Variants in ADGRL3 observed in about 807,000 individuals in gnomAD.
ADGRL3 encodes calcium-independent alpha-latrotoxin receptor 3.
In ADGRL3, 62 loss-of-function variants were observed where a neutral mutation model predicts 153.5. That is an observed-to-expected ratio of 0.40 (90% CI 0.33 to 0.50). The LOEUF (loss-of-function observed/expected upper bound fraction) is 0.50, where lower values mean the gene tolerates loss of function less well. Ranked by LOEUF, ADGRL3 falls within the 20% of genes least tolerant of loss-of-function variation. ADGRL3 has a pLI of 0.47. For synonymous variants in ADGRL3, 710 were observed against 672.5 expected (o/e 1.06, Z -0.86); for missense variants, 1,641 against 1,859.4 (o/e 0.88, Z 2.16).
intron 2 of ADGRL3, among the ~76,000 whole-genome samples, chr4:61,443,535 C>T (rs377147951): frequency 4.4e-4 from 67 of 152,100 alleles, no homozygotes; most frequent in African/African-American, 1.5e-3. Context: ...AGCACATAAA[C>T]AGCTAATATT....
intron 5 of ADGRL3, among the ~76,000 whole-genome samples, chr4:61,601,890 C>T (rs895273283): frequency 5.3e-5 from 8 of 152,042 alleles, no homozygotes; most frequent in Admixed American, 1.3e-4. Flanking sequence ...TTCCATCATC[C>T]ATGTGTCTTA....
intron 25 of ADGRL3, among the ~76,000 whole-genome samples, chr4:62,060,586 T>A (rs1739540320): frequency 6.6e-6 from 1 of 151,916 alleles, no homozygotes; most frequent in Admixed American, 6.6e-5. Flanking sequence ...GAAAAAGATC[T>A]AGAATAATAA....
Position 61,732,791 on chromosome 4 carries a change from G to C in ADGRL3, c.636G>C (p.Gln212His). The change falls in exon 8 of 27, where the codon CAG (glutamine) becomes CAC (histidine). Residue 212 changes from glutamine (Q) to histidine (H), a missense_variant. Physicochemically the swap from Gln to His is conservative, Grantham distance 24. Around this residue, in one of 5 missense-constraint regions of ADGRL3, gnomAD observed 213 missense variants for 362.1 expected, o/e 0.59. Transcript: ENST00000683033. ...CTGGACTACTAAAAGGAGTATACCA[G>C]AGTGAACATTTGTTTGAGTCCGACC... is the stretch of plus-strand genomic sequence containing the variant. ...LCPGLLKGVY[Q>H]SEHLFESDHQ... 8 of 1,593,112 alleles carry C rather than the reference G, an allele frequency of 5.0e-6. No individual in the cohort carries two copies. The highest frequency in any genetic ancestry group is 1.8e-5 in the Admixed American group (1 of 55,998).
chr4:61,379,781 A>G (rs1047084015), intron 1 of ADGRL3, among the ~76,000 whole-genome samples: 2 of 152,044 alleles, frequency 1.3e-5, no homozygotes, highest in Non-Finnish European at 2.9e-5. Flanking sequence ...CCAAAATGTG[A>G]AAGTGTCTTC....
chr4:61,555,509 A>G (rs2098761203), intron 4 of ADGRL3, among the ~76,000 whole-genome samples: 1 of 152,186 alleles, frequency 6.6e-6, no homozygotes, highest in African/African-American at 2.4e-5. Context: ...GAGCTGTTCT[A>G]GATGCTGAGA....
intron 9 of ADGRL3, among the ~76,000 whole-genome samples, chr4:61,829,116 A>G (rs1386975259): frequency 6.6e-6 from 1 of 152,196 alleles, no homozygotes; most frequent in African/African-American, 2.4e-5. Flanking sequence ...GATGATTTGT[A>G]TAGCCTATCA....
At chr4:61,439,551 C>G (rs1301941211) in intron 2 of ADGRL3, among the ~76,000 whole-genome samples, 1 of 152,076 alleles carries the variant, frequency 6.6e-6, no homozygotes, top group Non-Finnish European at 1.5e-5. Context: ...GGTTTCTGCA[C>G]CCATCAACCC....
chr4:62,055,609 A>G (rs1224399618), intron 25 of ADGRL3, among the ~76,000 whole-genome samples: 1 of 151,776 alleles, frequency 6.6e-6, no homozygotes, highest in Non-Finnish European at 1.5e-5. Flanking sequence ...ATCTAAAATT[A>G]TGGTTTCTGT....
At chr4:61,623,158 C>A (rs1579921141) in intron 5 of ADGRL3, among the ~76,000 whole-genome samples, 1 of 152,224 alleles carries the variant, frequency 6.6e-6, no homozygotes, top group South Asian at 2.1e-4. Flanking sequence ...GACCCAGGCT[C>A]ACTGACTTCA....
At chr4:62,065,040 T>C (rs897630518) in intron 25 of ADGRL3, among the ~76,000 whole-genome samples, 17 of 152,150 alleles carry the variant, frequency 1.1e-4, no homozygotes, top group African/African-American at 4.1e-4. Flanking sequence ...CAGCTTGTGC[T>C]TAAGTATTTC....
chr4:61,450,573 A>C (rs1369985105), intron 2 of ADGRL3, among the ~76,000 whole-genome samples: 1 of 152,182 alleles, frequency 6.6e-6, no homozygotes. Flanking sequence ...TCAGGTTAGT[A>C]ATTCATTTTT....
intron 25 of ADGRL3, among the ~76,000 whole-genome samples, chr4:62,050,513 G>A (rs1352887698): frequency 6.6e-6 from 1 of 151,832 alleles, no homozygotes; most frequent in African/African-American, 2.4e-5. Context: ...TGGTCACTGA[G>A]GCAGAAGAAA....
intron 5 of ADGRL3, among the ~76,000 whole-genome samples, chr4:61,607,614 CA>C (rs2099037590): frequency 6.6e-6 from 1 of 151,838 alleles, no homozygotes; most frequent in South Asian, 2.1e-4. Context: ...AACAAACAAA[CA>C]AAATCTTAAG....
At chr4:61,545,649 G>A (rs1210625500) in intron 4 of ADGRL3, among the ~76,000 whole-genome samples, 1 of 152,044 alleles carries the variant, frequency 6.6e-6, no homozygotes, top group Non-Finnish European at 1.5e-5. Flanking sequence ...GAGTAGCTGG[G>A]ACTACAGGCG....
At position 61,704,469 on chromosome 4, in the gene ADGRL3, A is replaced by G. The variant is rs2095822569; in HGVS notation, c.584-26153A>G. 2.6e-5 allele frequency among the ~76,000 whole-genome samples: 4 copies of G among 152,224 alleles called. No homozygotes were observed. In the East Asian group the frequency reaches 7.7e-4, roughly 29 times the overall value. On this transcript the variant is annotated intron_variant, in intron 6 of 26. Transcript: ENST00000683033. ...AAATATTTTATTGCTAAAAAATTCT[A>G]ATGATCATCCAAGCCTTCAGCTAGT...
At chr4:61,571,448 G>A (rs369982559) in intron 4 of ADGRL3, among the ~76,000 whole-genome samples, 4 of 152,138 alleles carry the variant, frequency 2.6e-5, no homozygotes, top group East Asian at 1.9e-4. Flanking sequence ...AGGAGTTCAA[G>A]GCTGCAGTGA....
At chr4:61,430,705 C>T (rs770459348) in intron 2 of ADGRL3, among the ~76,000 whole-genome samples, 12 of 152,156 alleles carry the variant, frequency 7.9e-5, no homozygotes, top group Non-Finnish European at 1.5e-4. Flanking sequence ...TTGTTCATCC[C>T]TTATTCAGGG....
At chr4:61,692,646 G>A (rs2095561636) in intron 6 of ADGRL3, among the ~76,000 whole-genome samples, 1 of 152,016 alleles carries the variant, frequency 6.6e-6, no homozygotes, top group Non-Finnish European at 1.5e-5. Context: ...GTTTTGCCAT[G>A]TTGGCTAGGC....
In ADGRL3 at chr4:61,970,971, C is replaced by A. The variant is rs1352660443; in HGVS notation, c.2806-8592C>A. Among the ~76,000 whole-genome samples, 3 of 151,922 alleles carry A rather than the reference C, an allele frequency of 2.0e-5. No homozygotes were observed. In the East Asian group the frequency reaches 5.8e-4, roughly 29 times the overall value. On this transcript the variant is annotated intron_variant, in intron 17 of 26. Coordinates refer to ENST00000683033, the MANE Select transcript of ADGRL3 (RefSeq NM_001387552.1). ...TATCCGAAAATAGGCTTTTTGGAATCCTGCTGGCTTCAGTTTAATTTATGA... is the reference window on the plus strand; with the variant it reads ...TATCCGAAAATAGGCTTTTTGGAATACTGCTGGCTTCAGTTTAATTTATGA...
Sources: allele counts gnomAD v4.1 joint callset (sites outside exome capture counted in the v4.1 genomes callset), GRCh38; gene constraint gnomAD v4.1.1; regional missense constraint gnomAD v4.1.1; transcripts MANE v1.5; gene names NCBI Gene and HGNC (gene_info 2026-07-23, HGNC 2026-07-21).